VPS13B: variants seen among roughly 807,000 people sequenced by gnomAD.
The protein encoded by VPS13B is intermembrane lipid transfer protein VPS13B.
In VPS13B, 285 loss-of-function variants were observed where a neutral mutation model predicts 426.4. The ratio of observed to expected loss-of-function variants is 0.67; its 90% CI spans 0.61 to 0.74. VPS13B has a LOEUF of 0.74. VPS13B is among the 30% of genes least tolerant of loss of function. The pLI is 0.00. For synonymous variants in VPS13B, 1,676 were observed against 1,676.4 expected, an observed-to-expected ratio of 1.00 and a Z score of 0.01; for missense variants, 4,537 against 4,782.6, an observed-to-expected ratio of 0.95 and a Z score of 1.51.
intron 17 of VPS13B, among the ~76,000 whole-genome samples, chr8:99,208,292 G>C (rs536397591): frequency 2.6e-5 from 4 of 152,060 alleles, no homozygotes; most frequent in Admixed American, 2.6e-4. Context: ...CCATCACTGG[G>C]GATTACATTT....
At chr8:99,813,805 T>C (rs1813864394) in intron 44 of VPS13B, among the ~76,000 whole-genome samples, 1 of 152,170 alleles carries the variant, frequency 6.6e-6, no homozygotes, top group Admixed American at 6.5e-5. Flanking sequence ...GACATTTAAT[T>C]TTTGGTTCCT....
intron 17 of VPS13B, among the ~76,000 whole-genome samples, chr8:99,231,791 G>A (rs538161519): frequency 1.3e-5 from 2 of 152,146 alleles, no homozygotes; most frequent in African/African-American, 4.8e-5. Flanking sequence ...TAAATTTAAC[G>A]CCCTGGGCCA....
At chr8:99,599,709 T>C (rs1327012012) in intron 33 of VPS13B, among the ~76,000 whole-genome samples, 1 of 152,150 alleles carries the variant, frequency 6.6e-6, no homozygotes, top group Admixed American at 6.6e-5. Context: ...TTCTAGAACT[T>C]TGGCTCTTCC....
intron 35 of VPS13B, among the ~76,000 whole-genome samples, chr8:99,670,354 A>T (rs1336155689): frequency 6.6e-6 from 1 of 152,114 alleles, no homozygotes; most frequent in Non-Finnish European, 1.5e-5. Context: ...TTGAGGTATA[A>T]TTGACAAAAA....
chr8:99,561,093 T>C (rs1824897700), intron 31 of VPS13B, among the ~76,000 whole-genome samples: 1 of 152,150 alleles, frequency 6.6e-6, no homozygotes, highest in Admixed American at 6.5e-5. Context: ...TTTAGTACAT[T>C]TACAATATTG....
intron 3 of VPS13B, among the ~76,000 whole-genome samples, chr8:99,045,322 CAT>C (rs1245542647): frequency 6.6e-6 from 1 of 151,986 alleles, no homozygotes; most frequent in African/African-American, 2.4e-5. Context: ...AACATTTTTT[CAT>C]ATGTTTGTTG....
intron 4 of VPS13B, among the ~76,000 whole-genome samples, chr8:99,101,126 A>T (rs2132447583): frequency 6.6e-6 from 1 of 151,906 alleles, no homozygotes; most frequent in East Asian, 1.9e-4. Flanking sequence ...GACTTCTTGG[A>T]AACATTTTTA....
intron 22 of VPS13B, among the ~76,000 whole-genome samples, chr8:99,433,123 T>A (rs1266689147): frequency 6.6e-6 from 1 of 152,256 alleles, no homozygotes; most frequent in African/African-American, 2.4e-5. Flanking sequence ...CTTTCTCTAT[T>A]CCATCTTTCT....
intron 35 of VPS13B, among the ~76,000 whole-genome samples, chr8:99,682,160 A>G (rs1588618849): frequency 6.6e-6 from 1 of 152,158 alleles, no homozygotes; most frequent in East Asian, 1.9e-4. Flanking sequence ...ATTGCTTCAG[A>G]TTTTTCCTAA....
At chr8:99,088,684 T>A (rs1178473593) in intron 3 of VPS13B, among the ~76,000 whole-genome samples, 1 of 152,236 alleles carries the variant, frequency 6.6e-6, no homozygotes, top group Non-Finnish European at 1.5e-5. Flanking sequence ...GTCTTCTTCC[T>A]AAATGAAATA....
At chr8:99,140,329 C>T (rs985568721) in intron 12 of VPS13B, among the ~76,000 whole-genome samples, 2 of 140,464 alleles carry the variant, frequency 1.4e-5, no homozygotes, top group Non-Finnish European at 3.0e-5. Flanking sequence ...CATACCACTG[C>T]ACTCCAGCAG....
In VPS13B at chr8:99,264,075, CTG is replaced by C. The variant is rs1352153338; in HGVS notation, c.2516-10121_2516-10120del. ...TTAATAACTGTCTTGGAGTTAATAACTGTCTTTTTTTTTGTTATTGCTTGATT... is the reference window on the plus strand; with the variant it reads ...TTAATAACTGTCTTGGAGTTAATAACTCTTTTTTTTTGTTATTGCTTGATT... On this transcript the variant is annotated intron_variant, in intron 17 of 61. Transcript: ENST00000357162. Among the ~76,000 whole-genome samples, 5 of 151,890 alleles carry C rather than the reference CTG, an allele frequency of 3.3e-5. No homozygotes were observed. In the East Asian group the frequency reaches 9.6e-4, roughly 29 times the overall value.
intron 20 of VPS13B, among the ~76,000 whole-genome samples, chr8:99,387,782 G>T (rs1054417648): frequency 2.0e-5 from 3 of 151,930 alleles, no homozygotes; most frequent in African/African-American, 7.3e-5. Flanking sequence ...TACAAGTATT[G>T]GTGAAAATGT....
At chr8:99,617,516 G>A (rs1444527999) in intron 33 of VPS13B, among the ~76,000 whole-genome samples, 1 of 152,030 alleles carries the variant, frequency 6.6e-6, no homozygotes, top group Admixed American at 6.6e-5. Context: ...TAGTAGAGAT[G>A]GGGTTTCACC....
At chr8:99,738,028 A>G (rs932119995) in intron 39 of VPS13B, among the ~76,000 whole-genome samples, 2 of 152,240 alleles carry the variant, frequency 1.3e-5, no homozygotes, top group Non-Finnish European at 2.9e-5. Flanking sequence ...GAGTCTCACT[A>G]TATATAAGCT....
chr8:99,866,732 C>A (rs1431642336), intron 58 of VPS13B, among the ~76,000 whole-genome samples: 3 of 152,268 alleles, frequency 2.0e-5, no homozygotes, highest in Admixed American at 2.0e-4. Flanking sequence ...CTTTGATAAT[C>A]TGCTGAGGTG....
At chr8:99,536,293 A>G (rs1210794837) in intron 30 of VPS13B, among the ~76,000 whole-genome samples, 1 of 152,170 alleles carries the variant, frequency 6.6e-6, no homozygotes, top group Non-Finnish European at 1.5e-5. Flanking sequence ...CTTTAGTTTT[A>G]AACTTTAATA....
At chr8:99,258,939 C>T (rs1817903907) in intron 17 of VPS13B, among the ~76,000 whole-genome samples, 1 of 151,868 alleles carries the variant, frequency 6.6e-6, no homozygotes, top group Admixed American at 6.6e-5. Context: ...TTTCAGTAAA[C>T]TCCCTTATTA....
chr8:99,541,477 G>C (rs559899602), intron 30 of VPS13B, among the ~76,000 whole-genome samples: 194 of 152,158 alleles, frequency 1.3e-3, no homozygotes, highest in African/African-American at 4.4e-3. Flanking sequence ...TTAGGTGTTT[G>C]TCCTAATGCT....
Sources: gnomAD v4.1 joint callset for allele counts (sites outside exome capture counted in the v4.1 genomes callset) on GRCh38, gnomAD v4.1.1 for gene constraint, MANE v1.5 for transcripts, NCBI Gene and HGNC (gene_info 2026-07-23, HGNC 2026-07-21) for gene names.